Variants in GLIS3 observed in about 807,000 individuals in gnomAD.
GLIS3 encodes zinc finger protein GLIS3.
Under a neutral mutation model 78.6 loss-of-function variants are expected in GLIS3, and 53 were observed. The ratio of observed to expected loss-of-function variants is 0.67; its 90% CI spans 0.54 to 0.85. The LOEUF (loss-of-function observed/expected upper bound fraction) is 0.85, where lower values mean the gene tolerates loss of function less well. GLIS3 is among the 40% of genes least tolerant of loss of function. GLIS3 has a pLI of 0.00. For missense variants in GLIS3, 1,703 were observed against 1,231.1 expected (o/e 1.38, Z -5.74); for synonymous variants, 684 against 509.9 (o/e 1.34, Z -4.60).
At chr9:4,019,656 G>A (rs1028504086) in intron 4 of GLIS3, among the ~76,000 whole-genome samples, 1 of 152,124 alleles carries the variant, frequency 6.6e-6, no homozygotes, top group Non-Finnish European at 1.5e-5. Flanking sequence ...GAAAAGAAAA[G>A]AAAAATTAGA....
At chr9:4,170,794 A>G (rs1295971212) in intron 2 of GLIS3, among the ~76,000 whole-genome samples, 1 of 152,226 alleles carries the variant, frequency 6.6e-6, no homozygotes, top group Non-Finnish European at 1.5e-5. Context: ...CCACATAGGC[A>G]GGAGGAATAT....
At chr9:4,343,212 C>T (rs1817859167) in intron 2 of GLIS3, among the ~76,000 whole-genome samples, 1 of 152,040 alleles carries the variant, frequency 6.6e-6, no homozygotes, top group Non-Finnish European at 1.5e-5. Flanking sequence ...CACGGTGGCA[C>T]ACCCCTGTGG....
chr9:4,195,006 C>T (rs778400902), intron 2 of GLIS3, among the ~76,000 whole-genome samples: 1 of 152,222 alleles, frequency 6.6e-6, no homozygotes, highest in Non-Finnish European at 1.5e-5. Flanking sequence ...GATTGCAGTG[C>T]CTTCTCTAGA....
the GLIS3 span, among the ~76,000 whole-genome samples, chr9:4,418,193 T>C: frequency 6.6e-6 from 1 of 152,206 alleles, no homozygotes; most frequent in East Asian, 1.9e-4. Flanking sequence ...CAGATGTCCT[T>C]TGAAGAAGCT....
chr9:4,116,493 C>G (rs1301805950), intron 4 of GLIS3, among the ~76,000 whole-genome samples: 3 of 152,218 alleles, frequency 2.0e-5, no homozygotes, highest in African/African-American at 7.2e-5. Context: ...ACAAGAAATG[C>G]AATTCCATTC....
the GLIS3 span, among the ~76,000 whole-genome samples, chr9:4,370,456 C>A: frequency 6.6e-6 from 1 of 152,028 alleles, no homozygotes; most frequent in South Asian, 2.1e-4. Context: ...AGGACTTCAT[C>A]TCACTTAGTT....
chr9:4,201,877 T>A (rs1819427171), intron 2 of GLIS3, among the ~76,000 whole-genome samples: 1 of 152,190 alleles, frequency 6.6e-6, no homozygotes, highest in South Asian at 2.1e-4. Flanking sequence ...AGCTCATGCC[T>A]GTAATTCCAG....
At chr9:3,880,755 C>T (rs1411756103) in intron 7 of GLIS3, among the ~76,000 whole-genome samples, 1 of 152,180 alleles carries the variant, frequency 6.6e-6, no homozygotes, top group Non-Finnish European at 1.5e-5. Flanking sequence ...CCCCCAAAAG[C>T]TTAATCCAAT....
At chr9:3,860,272 C>CAAAAAAAAAAAAAAAAAAAAAAAAAAAAA (rs59923144) in intron 8 of GLIS3, among the ~76,000 whole-genome samples, 18 of 53,608 alleles carry the variant, frequency 3.4e-4, no homozygotes, top group Admixed American at 8.7e-4. Context: ...AAGACTCTGT[C>CAAAAAAAAAAAAAAAAAAAAAAAAAAAAA]AAAAAAAAAA....
chr9:4,024,034 AC>A (rs1274614906), intron 4 of GLIS3, among the ~76,000 whole-genome samples: 2 of 144,530 alleles, frequency 1.4e-5, no homozygotes, highest in South Asian at 2.1e-4. Context: ...ACAAAAAAAA[AC>A]AAAAAAAAAA....
At chr9:4,451,789 TTGAAACCAATGAGAACAAAGACATTA>T in the GLIS3 span, among the ~76,000 whole-genome samples, 1 of 152,046 alleles carries the variant, frequency 6.6e-6, no homozygotes, top group South Asian at 2.1e-4. Context: ...AAGATGTTCT[TTGAAACCAATGAGAACAAAGACATTA>T]TGTACCAGAA....
chr9:4,383,015 G>C, the GLIS3 span, among the ~76,000 whole-genome samples: 1 of 152,126 alleles, frequency 6.6e-6, no homozygotes, highest in Admixed American at 6.5e-5. Context: ...TTCCTAAAAG[G>C]AAGTTGCAGA....
At chr9:4,195,916 C>A (rs1357374261) in intron 2 of GLIS3, among the ~76,000 whole-genome samples, 3 of 152,216 alleles carry the variant, frequency 2.0e-5, no homozygotes, top group Admixed American at 1.3e-4. Flanking sequence ...ATGCACCAAT[C>A]AGCACTTTGT....
chr9:4,132,999 ATGCCTCAC>A (rs1287886683), intron 2 of GLIS3, among the ~76,000 whole-genome samples: 7 of 152,308 alleles, frequency 4.6e-5, no homozygotes, highest in African/African-American at 1.4e-4. Flanking sequence ...ATATCAATAT[ATGCCTCAC>A]TGCCTCTAAG....
At chr9:4,375,570 CCA>C in the GLIS3 span, among the ~76,000 whole-genome samples, 1 of 152,182 alleles carries the variant, frequency 6.6e-6, no homozygotes, top group South Asian at 2.1e-4. Flanking sequence ...AAAAGATAAT[CCA>C]CAGACACATG....
At chr9:4,175,294 C>T (rs553275000) in intron 2 of GLIS3, among the ~76,000 whole-genome samples, 1 of 152,264 alleles carries the variant, frequency 6.6e-6, no homozygotes, top group South Asian at 2.1e-4. Context: ...GATTTGACAG[C>T]AGTTTTCTGA....
At chr9:4,096,184 C>T (rs1328211339) in intron 4 of GLIS3, among the ~76,000 whole-genome samples, 1 of 152,052 alleles carries the variant, frequency 6.6e-6, no homozygotes, top group Non-Finnish European at 1.5e-5. Context: ...AACTCTGAAT[C>T]ACCAAAAGTG....
chr9:4,059,193 C>A (rs1439540990), intron 4 of GLIS3, among the ~76,000 whole-genome samples: 2 of 152,158 alleles, frequency 1.3e-5, no homozygotes, highest in East Asian at 3.9e-4. Flanking sequence ...GAGATCTGAG[C>A]ACAGACGAGA....
chr9:4,215,936 G>C (rs900796605), intron 2 of GLIS3, among the ~76,000 whole-genome samples: 1 of 152,080 alleles, frequency 6.6e-6, no homozygotes, highest in African/African-American at 2.4e-5. Flanking sequence ...AACTAAAAAA[G>C]CTGATTCTAA....
Sources: gnomAD v4.1 joint callset for allele counts (sites outside exome capture counted in the v4.1 genomes callset) on GRCh38, gnomAD v4.1.1 for gene constraint, MANE v1.5 for transcripts, NCBI Gene and HGNC (gene_info 2026-07-23, HGNC 2026-07-21) for gene names.